The following SHQ1 variants were observed in gnomAD, a reference collection of about 807,000 sequenced individuals.
SHQ1 encodes SHQ1, H/ACA ribonucleoprotein assembly factor.
In SHQ1, 49 loss-of-function variants were observed where a neutral mutation model predicts 53.8. The observed-to-expected ratio is 0.91, with a 90% CI of 0.72 to 1.16. The LOEUF is 1.16. Ranked by LOEUF, SHQ1 falls within the 50% of genes most tolerant of loss-of-function variation. The pLI is 0.00. For missense variants in SHQ1, 738 were observed against 683.1 expected (o/e 1.08, Z -0.90); for synonymous variants, 243 against 251.0 (o/e 0.97, Z 0.30).
chr3:72,746,114 A>G (rs1705255245), downstream of SHQ1, among the ~76,000 whole-genome samples: 1 of 152,178 alleles, frequency 6.6e-6, no homozygotes. Context: ...AAGTGCTGAG[A>G]TTACAGACAT....
At chr3:72,791,882 G>C (rs1201512584) in intron 10 of SHQ1, among the ~76,000 whole-genome samples, 2 of 152,100 alleles carry the variant, frequency 1.3e-5, no homozygotes, top group African/African-American at 4.8e-5. Context: ...ATAGCCTCTT[G>C]CTACTGAAAT....
the SHQ1 span, among the ~76,000 whole-genome samples, chr3:72,739,188 C>T: frequency 6.6e-6 from 1 of 152,318 alleles, no homozygotes; most frequent in East Asian, 1.9e-4. Flanking sequence ...TTTTAAACAC[C>T]ATGCAGGATG....
Position 72,827,461 on chromosome 3 carries a change from T to G in SHQ1, c.600-2910A>C, listed in dbSNP as rs146175566. Among the ~76,000 whole-genome samples, 1,027 of 152,020 alleles carry G rather than the reference T, an allele frequency of 6.8e-3. 15 individuals carry two copies. The highest frequency in any genetic ancestry group is 0.023 in the African/African-American group (967 of 41,464). Reference sequence around the variant, plus strand: ...GAGCCTAACTGAAAAGATGCTGTTTTCCTCCCCAAGGGACCATGATGAAGG... The same window carrying G: ...GAGCCTAACTGAAAAGATGCTGTTTGCCTCCCCAAGGGACCATGATGAAGG... On this transcript the variant is annotated intron_variant, in intron 5 of 10. Transcript: ENST00000325599.
chr3:72,743,004 T>C, the SHQ1 span, among the ~76,000 whole-genome samples: 1 of 152,242 alleles, frequency 6.6e-6, no homozygotes, highest in Non-Finnish European at 1.5e-5. Flanking sequence ...ACTATCCTTC[T>C]ACTTTTTGGC....
At chr3:72,782,971 G>T (rs1218631566) in intron 10 of SHQ1, among the ~76,000 whole-genome samples, 4 of 152,188 alleles carry the variant, frequency 2.6e-5, no homozygotes, top group African/African-American at 7.2e-5. Context: ...TAACTCACTT[G>T]ATCCTGTGGG....
intron 9 of SHQ1, chr3:72,793,978 C>G (rs774143941): frequency 6.6e-6 from 1 of 152,152 alleles, no homozygotes; most frequent in African/African-American, 2.4e-5. Context: ...ACAAAAGGAG[C>G]CTTTTACAAC....
downstream of SHQ1, among the ~76,000 whole-genome samples, chr3:72,745,701 G>A (rs1039162610): frequency 1.3e-5 from 2 of 152,008 alleles, no homozygotes; most frequent in Non-Finnish European, 2.9e-5. Flanking sequence ...AAACCCTTAC[G>A]TTGGTTTAAC....
At chr3:72,748,194 A>G (rs1028099076), downstream of SHQ1, among the ~76,000 whole-genome samples, 1 of 151,888 alleles carries the variant, frequency 6.6e-6, no homozygotes, top group Non-Finnish European at 1.5e-5. Flanking sequence ...CAAGACCCAT[A>G]AGGATCAAAC....
intron 10 of SHQ1, among the ~76,000 whole-genome samples, chr3:72,752,768 C>G (rs1471116522): frequency 6.6e-6 from 1 of 152,134 alleles, no homozygotes; most frequent in Non-Finnish European, 1.5e-5. Flanking sequence ...ACCTCGTGAT[C>G]TGCCAGCCTC....
intron 10 of SHQ1, among the ~76,000 whole-genome samples, chr3:72,773,995 C>T (rs185546664): frequency 1.6e-3 from 238 of 152,198 alleles, no homozygotes; most frequent in Non-Finnish European, 2.2e-3. Context: ...GAGATGTTCA[C>T]AAAAATTAAA....
intron 8 of SHQ1, among the ~76,000 whole-genome samples, chr3:72,814,204 T>C (rs1707232358): frequency 2.6e-5 from 4 of 152,224 alleles, no homozygotes; most frequent in Admixed American, 2.6e-4. Context: ...AATTTTCATG[T>C]AGATTTTTAA....
At chr3:72,745,541 C>G (rs1705244755), downstream of SHQ1, among the ~76,000 whole-genome samples, 1 of 152,170 alleles carries the variant, frequency 6.6e-6, no homozygotes. Flanking sequence ...TCTATCTAAT[C>G]TGCTGAACTG....
intron 5 of SHQ1, among the ~76,000 whole-genome samples, chr3:72,831,977 G>A (rs977827615): frequency 4.6e-5 from 7 of 152,222 alleles, no homozygotes; most frequent in African/African-American, 1.7e-4. Context: ...GCCAAGAAAT[G>A]TGGTACAGGT....
At chr3:72,826,983 C>T (rs577381266) in intron 5 of SHQ1, among the ~76,000 whole-genome samples, 60 of 152,206 alleles carry the variant, frequency 3.9e-4, no homozygotes, top group African/African-American at 1.4e-3. Context: ...AAGGGAGAAA[C>T]CTGGAGAAGC....
chr3:72,742,040 G>A, the SHQ1 span, among the ~76,000 whole-genome samples: 22 of 151,840 alleles, frequency 1.4e-4, no homozygotes, highest in African/African-American at 4.4e-4. Flanking sequence ...CACAGATACC[G>A]AGGGACGACT....
At chr3:72,748,971 GCA>G (rs34002344), downstream of SHQ1, among the ~76,000 whole-genome samples, 33,742 of 143,604 alleles carry the variant, frequency 0.23, 3,965 homozygotes, top group Non-Finnish European at 0.28. Context: ...ACACGCACAC[GCA>G]CACACACACA....
At chr3:72,781,495 GTAGT>G (rs1706073065) in intron 10 of SHQ1, among the ~76,000 whole-genome samples, 1 of 152,102 alleles carries the variant, frequency 6.6e-6, no homozygotes, top group Admixed American at 6.6e-5. Context: ...TTTAAGTCAG[GTAGT>G]TAATTTGACA....
intron 10 of SHQ1, among the ~76,000 whole-genome samples, chr3:72,765,941 A>C (rs2106728766): frequency 6.6e-6 from 1 of 152,336 alleles, no homozygotes; most frequent in African/African-American, 2.4e-5. Flanking sequence ...TTGTGTAAGA[A>C]AAGATAATAA....
At chr3:72,788,367 C>G (rs1706311083) in intron 10 of SHQ1, among the ~76,000 whole-genome samples, 1 of 152,066 alleles carries the variant, frequency 6.6e-6, no homozygotes, top group Non-Finnish European at 1.5e-5. Context: ...CCCGCCGCCA[C>G]CCCATCTGGG....
Sources: allele counts gnomAD v4.1 joint callset (sites outside exome capture counted in the v4.1 genomes callset), GRCh38; gene constraint gnomAD v4.1.1; transcripts MANE v1.5; gene names NCBI Gene and HGNC (gene_info 2026-07-23, HGNC 2026-07-21).